Variants in SLC14A2 observed in about 807,000 individuals in gnomAD.
SLC14A2 encodes the protein solute carrier family 14 member 2.
In SLC14A2, 91 loss-of-function variants were observed where a neutral mutation model predicts 104.6. The observed-to-expected ratio is 0.87, with a 90% CI of 0.73 to 1.04. The LOEUF (loss-of-function observed/expected upper bound fraction) is 1.04. Among genes scored for constraint, SLC14A2 ranks in the 50% least tolerant of loss-of-function variants. The pLI is 0.00. For missense variants in SLC14A2, 1,189 were observed against 1,156.0 expected, an observed-to-expected ratio of 1.03 and a Z score of -0.41; for synonymous variants, 476 against 466.4, an observed-to-expected ratio of 1.02 and a Z score of -0.27.
chr18:45,457,886 GAGA>G (rs1316507703), intron 1 of SLC14A2, among the ~76,000 whole-genome samples: 1 of 152,114 alleles, frequency 6.6e-6, no homozygotes, highest in Non-Finnish European at 1.5e-5. Flanking sequence ...GCGGTGGGAG[GAGA>G]AGAAGCATCC....
chr18:45,203,040 A>T, the SLC14A2 span, among the ~76,000 whole-genome samples: 3 of 152,324 alleles, frequency 2.0e-5, no homozygotes, highest in African/African-American at 7.2e-5. Context: ...CTACTTAAGA[A>T]GCAAATTCTC....
intron 1 of SLC14A2, among the ~76,000 whole-genome samples, chr18:45,364,398 G>A (rs1237419520): frequency 2.0e-5 from 3 of 152,182 alleles, no homozygotes; most frequent in Admixed American, 2.0e-4. Context: ...TCTGATGGTT[G>A]GTTGGTTTAC....
At position 45,679,007 on chromosome 18, in the gene SLC14A2, G is replaced by A. The variant is rs907858824; in HGVS notation, c.2545G>A (p.Ala849Thr). Residue 849 changes from alanine (A) to threonine (T), a missense_variant, in exon 19 of 20, where the codon GCT becomes ACT. By Grantham distance (58) the Ala-to-Thr change is moderately conservative. Transcript: ENST00000255226. Reference sequence around the variant, plus strand: ...TGCTGCCTACCTGGGTGCTGCCCTGGCTAACATGTTATCTGTGGTGAGTCA... The same window carrying A: ...TGCTGCCTACCTGGGTGCTGCCCTGACTAACATGTTATCTGTGGTGAGTCA... ...LFAAYLGAAL[A>T]NMLSVFGLPP... The A allele has an allele frequency of 1.2e-6, 2 of 1,606,638 alleles. No homozygotes were observed. Among genetic ancestry groups the A allele is most frequent in the Non-Finnish European group, 1.7e-6 (2 of 1,178,042 alleles).
At chr18:45,579,849 CTAAAG>C (rs1326184354) in intron 2 of SLC14A2, among the ~76,000 whole-genome samples, 2 of 152,120 alleles carry the variant, frequency 1.3e-5, no homozygotes, top group Non-Finnish European at 1.5e-5. Context: ...GTCTTTGCAG[CTAAAG>C]TAAAGTAAAC....
chr18:45,214,390 G>GA (rs1338983093), intron 1 of SLC14A2, among the ~76,000 whole-genome samples: 1 of 152,280 alleles, frequency 6.6e-6, no homozygotes, highest in East Asian at 1.9e-4. Flanking sequence ...GGGAGATAGA[G>GA]AGGGAGGAAA....
intron 1 of SLC14A2, among the ~76,000 whole-genome samples, chr18:45,339,496 T>C (rs1311985255): frequency 6.6e-6 from 1 of 152,182 alleles, no homozygotes; most frequent in African/African-American, 2.4e-5. Flanking sequence ...AAGTATGCAG[T>C]CCTTATTAAG....
chr18:45,608,070 T>C (rs1280781428), intron 2 of SLC14A2, among the ~76,000 whole-genome samples: 1 of 152,268 alleles, frequency 6.6e-6, no homozygotes, highest in Non-Finnish European at 1.5e-5. Flanking sequence ...CTTTCTGGTT[T>C]CCGTTAGAGT....
chr18:45,304,715 A>C (rs1236894110), intron 1 of SLC14A2, among the ~76,000 whole-genome samples: 1 of 152,116 alleles, frequency 6.6e-6, no homozygotes, highest in East Asian at 1.9e-4. Flanking sequence ...TGCTGAGGAG[A>C]GAGCAGCCTA....
chr18:45,451,287 G>C (rs1001483922), intron 1 of SLC14A2, among the ~76,000 whole-genome samples: 1 of 152,128 alleles, frequency 6.6e-6, no homozygotes, highest in South Asian at 2.1e-4. Context: ...AAGAGAGGGG[G>C]TTCTCGGGGA....
intron 2 of SLC14A2, among the ~76,000 whole-genome samples, chr18:45,593,513 G>A (rs571576601): frequency 0.018 from 1,715 of 97,218 alleles, 16 homozygotes; most frequent in Non-Finnish European, 0.027. Flanking sequence ...TTTTTGAGAC[G>A]GAGTCTTGCT....
chr18:45,523,393 A>G (rs1008437700), intron 2 of SLC14A2, among the ~76,000 whole-genome samples: 93 of 151,428 alleles, frequency 6.1e-4, no homozygotes, highest in Non-Finnish European at 4.1e-4. Context: ...GCAGTGGCGC[A>G]ATCTCGGCTC....
At chr18:45,383,888 C>G (rs1035151605) in intron 1 of SLC14A2, among the ~76,000 whole-genome samples, 2 of 152,068 alleles carry the variant, frequency 1.3e-5, no homozygotes, top group African/African-American at 2.4e-5. Context: ...CCCTGCACCC[C>G]CAAGAAGCCC....
the SLC14A2 span, among the ~76,000 whole-genome samples, chr18:45,172,970 G>A: frequency 6.6e-6 from 1 of 152,022 alleles, no homozygotes; most frequent in East Asian, 1.9e-4. Flanking sequence ...TTCTTTTTGA[G>A]TTTCAGTTTC....
intron 1 of SLC14A2, among the ~76,000 whole-genome samples, chr18:45,285,661 G>C (rs2084805822): frequency 1.6e-5 from 2 of 124,978 alleles, no homozygotes; most frequent in Non-Finnish European, 1.8e-5. Context: ...CAGGTGATCT[G>C]CCCCCCCCCC....
At chr18:45,522,911 C>G (rs1413036242) in intron 2 of SLC14A2, among the ~76,000 whole-genome samples, 1 of 152,178 alleles carries the variant, frequency 6.6e-6, no homozygotes, top group Non-Finnish European at 1.5e-5. Flanking sequence ...GTTTAAGCAT[C>G]TGGGTTGCCA....
At chr18:45,236,281 A>G (rs1486141157) in intron 1 of SLC14A2, among the ~76,000 whole-genome samples, 3 of 57,620 alleles carry the variant, frequency 5.2e-5, no homozygotes, top group Admixed American at 2.5e-4. Flanking sequence ...ATGTGTGTAT[A>G]TGTGTATATA....
chr18:45,329,406 A>G (rs1461385422), intron 1 of SLC14A2, among the ~76,000 whole-genome samples: 1 of 152,174 alleles, frequency 6.6e-6, no homozygotes, highest in African/African-American at 2.4e-5. Context: ...CCTCCCTAGC[A>G]TATCTTCAAA....
At chr18:45,328,479 T>G (rs2085258039) in intron 1 of SLC14A2, among the ~76,000 whole-genome samples, 2 of 152,204 alleles carry the variant, frequency 1.3e-5, no homozygotes, top group African/African-American at 4.8e-5. Context: ...ACAGCTGCTC[T>G]TGAGCTCAGA....
At chr18:45,444,426 G>C (rs560308925) in intron 1 of SLC14A2, among the ~76,000 whole-genome samples, 18 of 152,198 alleles carry the variant, frequency 1.2e-4, no homozygotes, top group Non-Finnish European at 2.5e-4. Flanking sequence ...AAATTCTGCT[G>C]AATTCTGTCA....
Sources: gnomAD v4.1 joint callset for allele counts (sites outside exome capture counted in the v4.1 genomes callset) on GRCh38, gnomAD v4.1.1 for gene constraint, MANE v1.5 for transcripts, NCBI Gene and HGNC (gene_info 2026-07-23, HGNC 2026-07-21) for gene names.